Variants in ARHGAP44 observed in about 807,000 individuals in gnomAD.
ARHGAP44 encodes rho GTPase-activating protein 44.
Under a neutral mutation model 106.8 loss-of-function variants are expected in ARHGAP44, and 43 were observed. The observed-to-expected ratio is 0.40, with a 90% CI of 0.32 to 0.52. ARHGAP44 has a LOEUF of 0.52. Among genes scored for constraint, ARHGAP44 ranks in the 20% least tolerant of loss-of-function variants. The probability of loss-of-function intolerance (pLI) is 0.48; values close to 1 mark genes in which losing one functional copy is unlikely to be tolerated. For synonymous variants in ARHGAP44, 439 were observed against 410.3 expected, an observed-to-expected ratio of 1.07 and a Z score of -0.85; for missense variants, 866 against 1,050.5, an observed-to-expected ratio of 0.82 and a Z score of 2.43.
chr17:12,827,847 T>A (rs192995835), intron 1 of ARHGAP44, among the ~76,000 whole-genome samples: 1 of 152,134 alleles, frequency 6.6e-6, no homozygotes, highest in East Asian at 1.9e-4. Flanking sequence ...AAGACCAGCC[T>A]GGCCAACATG....
chr17:12,811,429 A>C (rs977844549), intron 1 of ARHGAP44, among the ~76,000 whole-genome samples: 1 of 151,858 alleles, frequency 6.6e-6, no homozygotes, highest in Non-Finnish European at 1.5e-5. Flanking sequence ...TGAGAGGGAG[A>C]AGGAAGAGGA....
intron 13 of ARHGAP44, among the ~76,000 whole-genome samples, chr17:12,953,324 C>T (rs558752283): frequency 2.6e-5 from 4 of 152,302 alleles, no homozygotes; most frequent in South Asian, 2.1e-4. Context: ...GCTTCTTTAC[C>T]GCTTTGTCTT....
chr17:12,962,080 A>AT lies in ARHGAP44; in HGVS notation c.1523+3183_1523+3184insT, dbSNP rs376049215. 1.2e-3 allele frequency among the ~76,000 whole-genome samples: 177 copies of AT among 150,496 alleles called. 1 individual carries two copies. The highest frequency in any genetic ancestry group is 6.9e-3 in the Middle Eastern group (2 of 288). On this transcript the variant is annotated intron_variant, in intron 16 of 20. Transcript: ENST00000379672. ...AAGGTTTTTGGCCAAGTTAAAAAAA[A>AT]ATATATATATATATGAATTATATAT...
chr17:12,807,292 T>C (rs1477110408), intron 1 of ARHGAP44, among the ~76,000 whole-genome samples: 1 of 152,178 alleles, frequency 6.6e-6, no homozygotes, highest in African/African-American at 2.4e-5. Context: ...GTTATTATTT[T>C]AAATGGGAAT....
intron 3 of ARHGAP44, among the ~76,000 whole-genome samples, chr17:12,896,863 A>G (rs1003743403): frequency 1.3e-5 from 2 of 152,190 alleles, no homozygotes; most frequent in Non-Finnish European, 2.9e-5. Context: ...CAGCTCATTC[A>G]TAGATTGCAT....
At chr17:12,850,694 A>ATTG (rs2035715813) in intron 1 of ARHGAP44, among the ~76,000 whole-genome samples, 1 of 152,140 alleles carries the variant, frequency 6.6e-6, no homozygotes, top group African/African-American at 2.4e-5. Context: ...AGTCACCAGG[A>ATTG]TTGATCCTCG....
chr17:12,989,121 A>AAC (rs2040041592), intron 20 of ARHGAP44, among the ~76,000 whole-genome samples: 2 of 148,980 alleles, frequency 1.3e-5, no homozygotes, highest in African/African-American at 2.5e-5. Flanking sequence ...AAAAAAAAAA[A>AAC]AAAACTAAGC....
intron 6 of ARHGAP44, among the ~76,000 whole-genome samples, chr17:12,924,647 C>T (rs185764244): frequency 2.9e-4 from 44 of 152,204 alleles, no homozygotes; most frequent in African/African-American, 9.9e-4. Context: ...TTAGGAGAAC[C>T]TTATTAAGGT....
chr17:12,802,969 ATT>A (rs1162376884), intron 1 of ARHGAP44, among the ~76,000 whole-genome samples: 531 of 40,562 alleles, frequency 0.013, 5 homozygotes, highest in Non-Finnish European at 0.017. Context: ...ATATATATAT[ATT>A]TTTTTTTTTT....
intron 9 of ARHGAP44, 76 bp downstream of exon 9, chr17:12,943,745 A>C: frequency 1.4e-6 from 2 of 1,452,274 alleles, no homozygotes; most frequent in Non-Finnish European, 1.9e-6. Flanking sequence ...AATTCCTTGT[A>C]TGTCGTTGGC....
At chr17:12,872,692 C>T (rs983759866) in intron 1 of ARHGAP44, among the ~76,000 whole-genome samples, 11 of 152,110 alleles carry the variant, frequency 7.2e-5, no homozygotes, top group African/African-American at 2.7e-4. Flanking sequence ...CACTCTGCCC[C>T]TCACAGTTCA....
At chr17:12,854,686 C>T (rs114872676) in intron 1 of ARHGAP44, among the ~76,000 whole-genome samples, 92 of 152,162 alleles carry the variant, frequency 6.0e-4, no homozygotes, top group African/African-American at 2.1e-3. Context: ...TGGCTGAGCG[C>T]GGTGGCTCAT....
intron 1 of ARHGAP44, among the ~76,000 whole-genome samples, chr17:12,865,433 A>G (rs1294012207): frequency 6.6e-6 from 1 of 152,174 alleles, no homozygotes; most frequent in African/African-American, 2.4e-5. Flanking sequence ...TCACTGGGGA[A>G]AACAATTGGT....
In ARHGAP44 at chr17:12,987,115, T is replaced by C. The variant is rs749418587; in HGVS notation, c.2317+2207T>C. ...TGTTCTTGCAGCTGTGTGACATGAGTGGCGCAGTTTTGGATACGTGTGAGG... is the reference window on the plus strand; with the variant it reads ...TGTTCTTGCAGCTGTGTGACATGAGCGGCGCAGTTTTGGATACGTGTGAGG... On this transcript the variant is annotated intron_variant, in intron 20 of 20. Coordinates refer to ENST00000379672, the MANE Select transcript of ARHGAP44 (RefSeq NM_014859.6). 4.6e-6 allele frequency: 7 copies of C among 1,533,578 alleles called. No homozygotes were observed. The South Asian group carries it at 4.8e-5, about 10-fold the overall frequency. The allele number at this position is 1,533,578 out of a possible 1,614,324, so 95.0% of individuals were successfully genotyped here. A position where few individuals can be genotyped will look rare whatever the true frequency, so the allele number is the denominator to read the frequency against.
In ARHGAP44 at chr17:12,915,957, T is replaced by A. The variant is rs1448113714; in HGVS notation, c.333T>A (p.His111Gln). The change falls in exon 5 of 21, where the codon CAT becomes CAA. Residue 111 changes from histidine to glutamine, a missense_variant. Physicochemically the swap from His to Gln is conservative, Grantham distance 24 (BLOSUM62 0). This residue lies in a region of ARHGAP44 where 448 missense variants were observed against 646.9 expected (regional missense o/e 0.69). Transcript: ENST00000379672. ...TEDKLAQELIHFELQVERDVI... is the reference protein window; with the variant it reads ...TEDKLAQELIQFELQVERDVI... Reference sequence around the variant, plus strand: ...ACAAGCTGGCTCAGGAGCTGATACATTTTGAGTTGCAAGTAGAGAGAGACG... The same window carrying A: ...ACAAGCTGGCTCAGGAGCTGATACAATTTGAGTTGCAAGTAGAGAGAGACG... The A allele has an allele frequency of 1.2e-6, 2 of 1,613,930 alleles. No homozygotes were observed. Among genetic ancestry groups the A allele is most frequent in the Non-Finnish European group, 1.7e-6 (2 of 1,179,864 alleles).
At chr17:12,941,248 C>A in intron 8 of ARHGAP44, 124 bp downstream of exon 8, 1 of 805,762 alleles carries the variant, frequency 1.2e-6, no homozygotes, top group Non-Finnish European at 2.0e-6. Context: ...GACCATTTTA[C>A]TAGTGAAATA....
intron 1 of ARHGAP44, among the ~76,000 whole-genome samples, chr17:12,866,670 T>C (rs1341700983): frequency 6.6e-6 from 1 of 152,202 alleles, no homozygotes; most frequent in Non-Finnish European, 1.5e-5. Flanking sequence ...TAGGGGTTAT[T>C]GGAACCTGGG....
intron 18 of ARHGAP44, among the ~76,000 whole-genome samples, chr17:12,976,933 C>T (rs2039699307): frequency 6.6e-6 from 1 of 152,170 alleles, no homozygotes; most frequent in African/African-American, 2.4e-5. Context: ...TTGGACACTC[C>T]TCAGCTTCAT....
chr17:12,819,550 T>C (rs1157747935), intron 1 of ARHGAP44, among the ~76,000 whole-genome samples: 2 of 151,118 alleles, frequency 1.3e-5, no homozygotes, highest in African/African-American at 4.9e-5. Flanking sequence ...GTCCAGTTGC[T>C]CCATACCCTT....
Sources: allele counts gnomAD v4.1 joint callset (sites outside exome capture counted in the v4.1 genomes callset), GRCh38; gene constraint gnomAD v4.1.1; regional missense constraint gnomAD v4.1.1; transcripts MANE v1.5; gene names NCBI Gene and HGNC (gene_info 2026-07-23, HGNC 2026-07-21).